Variants in IL22RA2 observed in about 807,000 individuals in gnomAD.
The protein encoded by IL22RA2 is interleukin-22 receptor subunit alpha-2.
Under a neutral mutation model 30.7 loss-of-function variants are expected in IL22RA2, and 39 were observed. That is an observed-to-expected ratio of 1.27 (90% CI 0.98 to 1.66). The LOEUF is 1.66. Among genes scored for constraint, IL22RA2 ranks in the 40% most tolerant of loss-of-function variants. The pLI, the probability that IL22RA2 is intolerant of heterozygous loss-of-function variation, is 0.00. For synonymous variants in IL22RA2, 103 were observed against 105.0 expected (o/e 0.98, Z 0.11); for missense variants, 315 against 312.7 (o/e 1.01, Z -0.05).
At chr6:137,169,207 G>A (rs1413288523) in intron 1 of IL22RA2, among the ~76,000 whole-genome samples, 1 of 152,326 alleles carries the variant, frequency 6.6e-6, no homozygotes, top group East Asian at 1.9e-4. Flanking sequence ...GAAACAACTT[G>A]CCTAGGTCAA....
Position 137,148,491 on chromosome 6 carries a change from TG to T in IL22RA2, c.473-601del, listed in dbSNP as rs533581451. Among the ~76,000 whole-genome samples the T allele has an allele frequency of 6.6e-5, 10 of 152,246 alleles. No homozygotes were observed. In the South Asian group the frequency reaches 2.1e-3, roughly 32 times the overall value. The stretch of plus-strand genomic sequence containing the variant: ...AAAACCTTGTCTTTTGTCCTGGGAG[TG>T]GCTGTTACCACTTAGGGTCTAGTTA... On this transcript the variant is annotated intron_variant, in intron 5 of 6. Transcript: ENST00000296980.
Position 137,148,361 on chromosome 6 carries a change from C to T in IL22RA2, c.473-470G>A, listed in dbSNP as rs1006674442. On this transcript the variant is annotated intron_variant, in intron 5 of 6. Transcript: ENST00000296980. ...GAGTAGCTGAGATTACAGGTGCATG[C>T]CACCACATCCAGGCTAGTCTGACTT... Among the ~76,000 whole-genome samples the T allele has an allele frequency of 1.2e-4, 18 of 152,116 alleles. 1 individual carries two copies. The highest frequency in any genetic ancestry group is 4.1e-4 in the African/African-American group (17 of 41,408).
intron 6 of IL22RA2, among the ~76,000 whole-genome samples, chr6:137,147,198 A>T (rs1778197639): frequency 6.8e-6 from 1 of 147,676 alleles, no homozygotes; most frequent in Non-Finnish European, 1.5e-5. Context: ...AAAAAAAAAA[A>T]AAAAAAAAAA....
intron 1 of IL22RA2, among the ~76,000 whole-genome samples, chr6:137,173,185 A>C (rs1445294942): frequency 6.6e-6 from 1 of 152,208 alleles, no homozygotes; most frequent in Non-Finnish European, 1.5e-5. Flanking sequence ...CAGCCTGGCC[A>C]ACATGGTGCA....
At chr6:137,169,669 A>G (rs910309950) in intron 1 of IL22RA2, among the ~76,000 whole-genome samples, 2 of 152,222 alleles carry the variant, frequency 1.3e-5, no homozygotes, top group African/African-American at 2.4e-5. Context: ...ACTCCTATTT[A>G]TATGTTAAAC....
At chr6:137,150,831 C>T (rs1468670120) in intron 5 of IL22RA2, among the ~76,000 whole-genome samples, 1 of 152,044 alleles carries the variant, frequency 6.6e-6, no homozygotes, top group Middle Eastern at 3.2e-3. Context: ...AAGAGACAAC[C>T]AAGAGTTACC....
intron 1 of IL22RA2, among the ~76,000 whole-genome samples, chr6:137,170,661 A>G (rs1241069473): frequency 6.6e-6 from 1 of 152,182 alleles, no homozygotes; most frequent in East Asian, 1.9e-4. Context: ...TGAGCCGGTG[A>G]TCACCTTAAT....
At chr6:137,158,043 C>G (rs746903955) in intron 3 of IL22RA2, among the ~76,000 whole-genome samples, 1 of 152,174 alleles carries the variant, frequency 6.6e-6, no homozygotes, top group African/African-American at 2.4e-5. Flanking sequence ...TTCCAACATT[C>G]GCCTGACAAA....
rs1778416535 is a variant in IL22RA2, at chr6:137,156,814, T to C, written c.238A>G (p.Ser80Gly). 6 of 1,613,846 alleles carry C rather than the reference T, an allele frequency of 3.7e-6. No individual in the cohort carries two copies. The highest frequency in any genetic ancestry group is 4.2e-6 in the Non-Finnish European group (5 of 1,179,760). The stretch of plus-strand genomic sequence containing the variant: ...CAAGAAATGTGCTGCCAGCATCCAC[T>C]TGGCTTCTGGTGAGAGCTTTTCATG... ...CSMKSSHQKPSGCWQHISCNF... is the reference protein window; with the variant it reads ...CSMKSSHQKPGGCWQHISCNF... The change falls in exon 4 of 7, where the codon AGT becomes GGT. Residue 80 changes from serine (S) to glycine (G), a missense_variant. Coordinates refer to ENST00000296980, the MANE Select transcript of IL22RA2 (RefSeq NM_052962.3).
chr6:137,168,610 C>T (rs1778671176), intron 1 of IL22RA2, among the ~76,000 whole-genome samples: 1 of 152,116 alleles, frequency 6.6e-6, no homozygotes, highest in African/African-American at 2.4e-5. Flanking sequence ...CAGTGGACCA[C>T]ACATGAATTT....
chr6:137,159,854 A>T (rs1369831059), intron 2 of IL22RA2, among the ~76,000 whole-genome samples: 2 of 152,240 alleles, frequency 1.3e-5, no homozygotes, highest in East Asian at 3.8e-4. Flanking sequence ...GAGATGGTTA[A>T]AAAAACACTT....
At chr6:137,150,870 C>T (rs80339063) in intron 5 of IL22RA2, among the ~76,000 whole-genome samples, 316 of 152,284 alleles carry the variant, frequency 2.1e-3, no homozygotes, top group African/African-American at 7.4e-3. Context: ...CTCTATTCCA[C>T]CCTCCTGCTA....
intron 6 of IL22RA2, among the ~76,000 whole-genome samples, chr6:137,146,839 A>G (rs894240614): frequency 6.6e-6 from 1 of 151,874 alleles, no homozygotes; most frequent in African/African-American, 2.4e-5. Context: ...CTAAAAGTAC[A>G]AAAAAACATA....
chr6:137,155,450 A>G (rs1398864298), intron 4 of IL22RA2, among the ~76,000 whole-genome samples: 1 of 151,826 alleles, frequency 6.6e-6, no homozygotes, highest in Non-Finnish European at 1.5e-5. Context: ...CTCTGCAGAG[A>G]CTTAAGGTGA....
In IL22RA2 at chr6:137,156,816, G is replaced by A; in HGVS notation, c.236C>T (p.Pro79Leu). ...SCSMKSSHQKPSGCWQHISCN... is the reference protein window; with the variant it reads ...SCSMKSSHQKLSGCWQHISCN... ...AGAAATGTGCTGCCAGCATCCACTT[G>A]GCTTCTGGTGAGAGCTTTTCATGCT... Residue 79 changes from proline to leucine, a missense_variant, in exon 4 of 7, where the codon CCA (proline) becomes CTA (leucine). Transcript: ENST00000296980. 2 of 1,613,798 alleles carry A rather than the reference G, an allele frequency of 1.2e-6. No individual in the cohort carries two copies. Among genetic ancestry groups the A allele is most frequent in the East Asian group, 2.2e-5 (1 of 44,880 alleles).
Position 137,155,102 on chromosome 6 carries a change from C to T in IL22RA2, c.311G>A (p.Trp104Ter). 3 of 1,591,636 alleles carry T rather than the reference C, an allele frequency of 1.9e-6. No individual in the cohort carries two copies. The highest frequency in any genetic ancestry group is 2.2e-5 in the East Asian group (1 of 44,474). ...RTLAKYGQRQ[W>*]KNKEDCWGTQ... ...ACCCCAACAGTCTTCTTTATTTTTC[C>T]ATTGTCTCTGTCCATATCTGTAGCA... Residue 104 changes from tryptophan (W) to a stop codon, truncating the protein, a stop_gained, in exon 5 of 7, where the codon TGG becomes TAG. Coordinates refer to ENST00000296980, the MANE Select transcript of IL22RA2 (RefSeq NM_052962.3). LOFTEE classifies it high-confidence loss of function.
At chr6:137,155,509 CAT>C (rs1248697684) in intron 4 of IL22RA2, among the ~76,000 whole-genome samples, 4 of 149,844 alleles carry the variant, frequency 2.7e-5, no homozygotes, top group East Asian at 3.9e-4. Context: ...CATATATATA[CAT>C]ATATATATAA....
At position 137,161,683 on chromosome 6, in the gene IL22RA2, A is replaced by C. The variant is rs1376270375; in HGVS notation, c.61+6T>G. On this transcript the variant is annotated splice_donor_region_variant and intron_variant, in intron 2 of 6. Transcript: ENST00000296980. ...ATGAGCAATTAAAAAGAAACAAAGC[A>C]CTTACCTGCTACACCAGTAAGGAAG... The C allele has an allele frequency of 6.2e-7, 1 of 1,610,570 alleles. No homozygotes were observed. Among genetic ancestry groups the C allele is most frequent in the East Asian group, 2.2e-5 (1 of 44,774 alleles).
intron 5 of IL22RA2, among the ~76,000 whole-genome samples, chr6:137,153,984 T>A (rs909381174): frequency 2.0e-5 from 3 of 149,204 alleles, no homozygotes; most frequent in African/African-American, 7.4e-5. Flanking sequence ...GGTAAATATC[T>A]TTTTTTTTTC....
Sources: gnomAD v4.1 joint callset for allele counts (sites outside exome capture counted in the v4.1 genomes callset) on GRCh38, gnomAD v4.1.1 for gene constraint, MANE v1.5 for transcripts, NCBI Gene and HGNC (gene_info 2026-07-23, HGNC 2026-07-21) for gene names.